ANK1: variants seen among roughly 807,000 people sequenced by gnomAD.
ANK1 encodes the protein ankyrin 1, also known as ankyrin-1.
Under a neutral mutation model 210.4 loss-of-function variants are expected in ANK1, and 51 were observed. The ratio of observed to expected loss-of-function variants is 0.24; its 90% CI spans 0.19 to 0.31. ANK1 has a LOEUF of 0.31. Ranked by LOEUF, ANK1 falls within the 10% of genes least tolerant of loss-of-function variation. The probability of loss-of-function intolerance (pLI) is 1.00; values close to 1 mark genes in which losing one functional copy is unlikely to be tolerated. For missense variants in ANK1, 2,051 were observed against 2,504.4 expected (o/e 0.82, Z 3.86); for synonymous variants, 967 against 1,025.9 (o/e 0.94, Z 1.10).
chr8:41,785,922 G>C (rs1846265280), intron 1 of ANK1, among the ~76,000 whole-genome samples: 2 of 152,170 alleles, frequency 1.3e-5, no homozygotes, highest in African/African-American at 4.8e-5. Context: ...GCACTGTCGG[G>C]CAGCGTTGTC....
chr8:41,706,019 C>T, intron 18 of ANK1, 124 bp downstream of exon 18: 1 of 945,562 alleles, frequency 1.1e-6, no homozygotes. Context: ...CACTGCCAGC[C>T]CTAGGAAGTG....
At chr8:41,713,182 T>G (rs567738337) in intron 16 of ANK1, among the ~76,000 whole-genome samples, 3 of 152,246 alleles carry the variant, frequency 2.0e-5, no homozygotes, top group Admixed American at 6.5e-5. Flanking sequence ...AGCACTTGGA[T>G]GCCTGCCACA....
intron 1 of ANK1, among the ~76,000 whole-genome samples, chr8:41,866,268 C>A (rs866897309): frequency 2.6e-5 from 4 of 152,202 alleles, no homozygotes; most frequent in African/African-American, 9.6e-5. Flanking sequence ...CAGCTCATTG[C>A]GGCCTTGATC....
Position 41,723,181 on chromosome 8 carries a change from C to T in ANK1, c.853G>A (p.Val285Met), listed in dbSNP as rs377658590. 4.6e-5 allele frequency: 75 copies of T among 1,614,038 alleles called. No individual in the cohort carries two copies. Among genetic ancestry groups the T allele is most frequent in the Non-Finnish European group, 5.9e-5 (70 of 1,180,044 alleles). Residue 285 changes from valine to methionine, a missense_variant, in exon 9 of 43, where the codon GTG becomes ATG. By Grantham distance (21) the Val-to-Met change is conservative. This residue lies in a region of ANK1 where 1,413 missense variants were observed against 1,707.4 expected (regional missense o/e 0.83). Transcript: ENST00000289734. The part of the protein sequence containing the change: ...PLHCAARNGH[V>M]RISEILLDHG... ...TCCAGCAGGATCTCTGAGATTCGCACGTGCCCATTTCGAGCTGCACAGTGG... is the reference window on the plus strand; with the variant it reads ...TCCAGCAGGATCTCTGAGATTCGCATGTGCCCATTTCGAGCTGCACAGTGG...
chr8:41,886,414 C>T (rs1452042254), intron 1 of ANK1, among the ~76,000 whole-genome samples: 2 of 152,212 alleles, frequency 1.3e-5, no homozygotes, highest in Non-Finnish European at 2.9e-5. Context: ...GAGCAACTTG[C>T]TCAAAGCCAG....
chr8:41,712,377 C>T (rs1826393123), intron 16 of ANK1, among the ~76,000 whole-genome samples: 1 of 152,356 alleles, frequency 6.6e-6, no homozygotes, highest in Non-Finnish European at 1.5e-5. Context: ...GGTAGGCCTG[C>T]CCTGGACATG....
At chr8:41,763,898 T>TTC (rs1563703559) in intron 1 of ANK1, among the ~76,000 whole-genome samples, 2 of 123,634 alleles carry the variant, frequency 1.6e-5, no homozygotes, top group African/African-American at 6.1e-5. Context: ...TCTTTTTTTT[T>TTC]TTTTTTTTTT....
intron 15 of ANK1, 124 bp from the exon 16 acceptor site, chr8:41,714,378 A>G: frequency 1.4e-6 from 1 of 738,396 alleles, no homozygotes; most frequent in South Asian, 3.6e-5. Flanking sequence ...TTCCCAGGCC[A>G]GTCTTAACTT....
At chr8:41,714,133 C>A in intron 16 of ANK1, 23 bp downstream of exon 16, 1 of 1,325,184 alleles carries the variant, frequency 7.5e-7, no homozygotes, top group African/African-American at 1.5e-5. Context: ...CCAGGGGCAG[C>A]TGGGGAGAGG....
In ANK1 at chr8:41,694,469, C is replaced by T; in HGVS notation, c.3327+123G>A. On this transcript the variant is annotated intron_variant, in intron 28 of 42. Coordinates refer to ENST00000289734, the MANE Select transcript of ANK1 (RefSeq NM_000037.4). This position sits in a 1 kb window ranked among gnomAD's most constrained non-coding sequence, Gnocchi z 5.7. The stretch of plus-strand genomic sequence containing the variant: ...TCTCCTTTGAGCTTTAAACTCAGAT[C>T]TCCACTGTGGCATTTCAAAGCACCA... 9.9e-7 allele frequency: 1 copy of T among 1,015,032 alleles called. No individual in the cohort carries two copies. The allele number at this position is 1,015,032 out of a possible 1,614,324, so 62.9% of individuals were successfully genotyped here.
At chr8:41,845,185 G>A (rs1809782614) in intron 1 of ANK1, among the ~76,000 whole-genome samples, 1 of 152,064 alleles carries the variant, frequency 6.6e-6, no homozygotes, top group Non-Finnish European at 1.5e-5. Context: ...AGGAGTTCGA[G>A]ACCATCCTGT....
chr8:41,771,646 T>C (rs1842987818), intron 1 of ANK1, among the ~76,000 whole-genome samples: 1 of 152,176 alleles, frequency 6.6e-6, no homozygotes, highest in African/African-American at 2.4e-5. Flanking sequence ...GCTAAATATT[T>C]TACCTACTGT....
chr8:41,788,361 G>A lies in ANK1; in HGVS notation c.27+9151C>T, dbSNP rs550230067. Among the ~76,000 whole-genome samples, 7 of 152,214 alleles carry A rather than the reference G, an allele frequency of 4.6e-5. No individual in the cohort carries two copies. In the South Asian group the frequency reaches 1.0e-3, roughly 23 times the overall value. On this transcript the variant is annotated intron_variant, in intron 1 of 42. Transcript: ENST00000289734. The stretch of plus-strand genomic sequence containing the variant: ...GAGTCAGATTTCTCATTGTGAAGTC[G>A]GAGTACTGACGTGAACACCAGACAC...
chr8:41,689,549 C>T (rs771758030), intron 33 of ANK1, among the ~76,000 whole-genome samples: 2 of 152,170 alleles, frequency 1.3e-5, no homozygotes, highest in Non-Finnish European at 2.9e-5. Flanking sequence ...GCATGGAAGG[C>T]TAATGATTAA....
chr8:41,835,782 G>A (rs540157987), intron 1 of ANK1, among the ~76,000 whole-genome samples: 24 of 152,336 alleles, frequency 1.6e-4, no homozygotes, highest in Non-Finnish European at 3.4e-4. Context: ...GTGGTCTTTG[G>A]CAGAAGTGTG....
At chr8:41,799,484 G>A (rs191757519), upstream of ANK1, among the ~76,000 whole-genome samples, 388 of 152,288 alleles carry the variant, frequency 2.5e-3, 4 homozygotes, top group Non-Finnish European at 1.7e-3. Flanking sequence ...AGGAAGAGGA[G>A]GAACAATATT....
At chr8:41,721,813 T>C (rs997891535) in intron 9 of ANK1, among the ~76,000 whole-genome samples, 6 of 152,230 alleles carry the variant, frequency 3.9e-5, no homozygotes, top group Non-Finnish European at 7.3e-5. Context: ...ACTCAGTTAG[T>C]TACACTTGCA....
rs79734727 is a variant in ANK1 at position 41,844,935 on chromosome 8, T to C, written c.126+51420A>G. Reference sequence around the variant, plus strand: ...GTCCCCGGGATGCGCTTTCTGGACCTGCTGCACACCCACTGGTCAGAGATG... The same window carrying C: ...GTCCCCGGGATGCGCTTTCTGGACCCGCTGCACACCCACTGGTCAGAGATG... On this transcript the variant is annotated intron_variant, in intron 1 of 42. Coordinates refer to the ANK1 transcript ENST00000265709. Among the ~76,000 whole-genome samples the C allele has an allele frequency of 4.7e-3, 710 of 152,264 alleles. 4 individuals carry two copies. The highest frequency in any genetic ancestry group is 0.027 in the East Asian group (138 of 5,176).
At chr8:41,858,216 C>A (rs910683751) in intron 1 of ANK1, among the ~76,000 whole-genome samples, 16 of 152,000 alleles carry the variant, frequency 1.1e-4, no homozygotes, top group African/African-American at 3.9e-4. Flanking sequence ...TGGGTGACAG[C>A]AAGACCCTGT....
Sources: gnomAD v4.1 joint callset for allele counts (sites outside exome capture counted in the v4.1 genomes callset) on GRCh38, gnomAD v4.1.1 for gene constraint, gnomAD v4.1.1 regional missense constraint, Gnocchi (gnomAD v3.1) non-coding constraint, MANE v1.5 for transcripts, NCBI Gene and HGNC (gene_info 2026-07-23, HGNC 2026-07-21) for gene names.